FER: variants seen among roughly 807,000 people sequenced by gnomAD.
FER encodes FER tyrosine kinase, also known as tyrosine-protein kinase Fer.
Under a neutral mutation model 111.0 loss-of-function variants are expected in FER, and 63 were observed. That is an observed-to-expected ratio of 0.57 (90% CI 0.46 to 0.70). The LOEUF (loss-of-function observed/expected upper bound fraction) is 0.70. Among genes scored for constraint, FER ranks in the 30% least tolerant of loss-of-function variants. The pLI, the probability that FER is intolerant of heterozygous loss-of-function variation, is 0.00. For missense variants in FER, 914 were observed against 954.0 expected, an observed-to-expected ratio of 0.96 and a Z score of 0.55; for synonymous variants, 327 against 313.9, an observed-to-expected ratio of 1.04 and a Z score of -0.44.
chr5:108,981,694 C>T (rs906879204), intron 13 of FER, among the ~76,000 whole-genome samples: 11 of 151,958 alleles, frequency 7.2e-5, no homozygotes, highest in South Asian at 2.1e-4. Flanking sequence ...AAAAATCTTA[C>T]GAGGTGGATA....
At position 108,959,490 on chromosome 5, in the gene FER, C is replaced by G. The variant is rs1561680198; in HGVS notation, c.1656+143C>G. 22 of 670,178 alleles carry G rather than the reference C, an allele frequency of 3.3e-5. No homozygotes were observed. The South Asian group carries it at 4.8e-4, about 15-fold the overall frequency. 41.5% of individuals were successfully genotyped at this position (670,178 alleles called of 1,614,324 possible). ...GTTTTTGTTTTTCTAGCTTTTATTA[C>G]TAATGCAATTGAAACATGAAACTTC... On this transcript the variant is annotated intron_variant, in intron 13 of 19. Coordinates refer to ENST00000281092, the MANE Select transcript of FER (RefSeq NM_005246.4).
chr5:109,148,803 G>A (rs150334372), intron 17 of FER, among the ~76,000 whole-genome samples: 15 of 152,232 alleles, frequency 9.9e-5, no homozygotes, highest in African/African-American at 3.4e-4. Flanking sequence ...CCAGCAAGTG[G>A]CTAGCGATAG....
intron 16 of FER, among the ~76,000 whole-genome samples, chr5:109,053,607 T>TC (rs1217080664): frequency 1.3e-5 from 2 of 152,006 alleles, no homozygotes; most frequent in East Asian, 1.9e-4. Context: ...CACTTTTTTT[T>TC]CCACTAAGTA....
chr5:108,925,335 A>G (rs1450403452), intron 10 of FER, among the ~76,000 whole-genome samples: 1 of 152,012 alleles, frequency 6.6e-6, no homozygotes, highest in Non-Finnish European at 1.5e-5. Flanking sequence ...ATAACTGGTA[A>G]AGCTTTTCAT....
At chr5:109,068,243 GCA>G (rs1355717798) in intron 16 of FER, among the ~76,000 whole-genome samples, 23 of 144,700 alleles carry the variant, frequency 1.6e-4, no homozygotes, top group Non-Finnish European at 3.6e-4. Context: ...GAGTGTAGCG[GCA>G]CAGAGTCCGC....
rs1045958356 is a variant in FER at position 108,954,942 on chromosome 5, C to A, written c.1533+10C>A. The A allele has an allele frequency of 1.3e-6, 2 of 1,593,638 alleles. No homozygotes were observed. The highest frequency in any genetic ancestry group is 2.7e-5 in the African/African-American group (2 of 74,258). ...CATACAATATGTTGATGTACGTTTC[C>A]AGTTTAGTTCATATGTATATTTTGA... On this transcript the variant is annotated intron_variant, in intron 12 of 19. Coordinates refer to ENST00000281092, the MANE Select transcript of FER (RefSeq NM_005246.4).
At chr5:109,085,331 G>A (rs191570150) in intron 16 of FER, among the ~76,000 whole-genome samples, 35 of 151,722 alleles carry the variant, frequency 2.3e-4, no homozygotes, top group Admixed American at 2.2e-3. Flanking sequence ...TGGTTATAAA[G>A]GATGTTTTTC....
At chr5:109,000,718 G>A (rs978881962) in intron 13 of FER, among the ~76,000 whole-genome samples, 16 of 151,908 alleles carry the variant, frequency 1.1e-4, no homozygotes, top group Non-Finnish European at 1.6e-4. Flanking sequence ...TCCAGGAGCC[G>A]GTTTTTTTAA....
At chr5:109,094,283 A>G (rs1344505215) in intron 16 of FER, among the ~76,000 whole-genome samples, 2 of 152,112 alleles carry the variant, frequency 1.3e-5, no homozygotes, top group South Asian at 2.1e-4. Flanking sequence ...AATCATAAGC[A>G]TTATTTCAGT....
intron 8 of FER, among the ~76,000 whole-genome samples, chr5:108,877,200 C>G (rs1765173691): frequency 6.6e-6 from 1 of 152,004 alleles, no homozygotes; most frequent in Admixed American, 6.6e-5. Context: ...TTTGGCTGTT[C>G]TTGTTTACAG....
At chr5:109,187,344 C>T (rs766953304) in intron 19 of FER, 89 bp from the exon 20 acceptor site, 74 of 1,386,540 alleles carry the variant, frequency 5.3e-5, no homozygotes, top group African/African-American at 8.7e-5. Flanking sequence ...CATAAGGTAC[C>T]AAAAGTTAAT....
intron 17 of FER, among the ~76,000 whole-genome samples, chr5:109,105,054 T>C (rs972778679): frequency 2.0e-5 from 3 of 152,138 alleles, no homozygotes; most frequent in African/African-American, 7.2e-5. Context: ...AGACTAATAT[T>C]ATTCTTAAGC....
At chr5:108,791,957 G>A (rs1755428841) in intron 2 of FER, among the ~76,000 whole-genome samples, 1 of 152,164 alleles carries the variant, frequency 6.6e-6, no homozygotes, top group South Asian at 2.1e-4. Context: ...CCAATGGAAT[G>A]GACTTGGCAC....
At chr5:108,851,397 G>A (rs1018674381) in intron 5 of FER, among the ~76,000 whole-genome samples, 21 of 152,170 alleles carry the variant, frequency 1.4e-4, no homozygotes, top group African/African-American at 4.1e-4. Context: ...AAGACCTGCC[G>A]CCATGATTCA....
At position 109,037,483 on chromosome 5, in the gene FER, G is replaced by T. The variant is rs775715420; in HGVS notation, c.1713+5G>T. On this transcript the variant is annotated splice_donor_5th_base_variant and intron_variant, in intron 14 of 19. Transcript: ENST00000281092. ...TTGGGAGAATTACTGGGCAAGGTAT[G>T]TAATCAACTGAGCTAAATAACCAGA... 1.5e-5 allele frequency: 24 copies of T among 1,609,838 alleles called. No homozygotes were observed. The South Asian group carries it at 2.6e-4, about 18-fold the overall frequency.
intron 10 of FER, among the ~76,000 whole-genome samples, chr5:108,909,365 C>T (rs1052364960): frequency 2.0e-5 from 3 of 152,002 alleles, no homozygotes; most frequent in South Asian, 2.1e-4. Flanking sequence ...CGGTTTACTT[C>T]GCAAATCACA....
At chr5:109,017,586 A>G (rs1231864739) in intron 13 of FER, among the ~76,000 whole-genome samples, 2 of 152,024 alleles carry the variant, frequency 1.3e-5, no homozygotes, top group Non-Finnish European at 2.9e-5. Context: ...ACTTATTTGC[A>G]TATCATAAAT....
chr5:108,822,669 A>G (rs1018327777), intron 3 of FER, among the ~76,000 whole-genome samples: 2 of 151,834 alleles, frequency 1.3e-5, no homozygotes, highest in Non-Finnish European at 2.9e-5. Context: ...ATTAGGCCCT[A>G]CCTACCAATA....
chr5:108,823,357 G>A (rs1242809783), intron 3 of FER, among the ~76,000 whole-genome samples: 2 of 152,150 alleles, frequency 1.3e-5, no homozygotes, highest in Admixed American at 6.5e-5. Flanking sequence ...GAGGAACCTC[G>A]ATATGTTTTA....
Sources: gnomAD v4.1 joint callset for allele counts (sites outside exome capture counted in the v4.1 genomes callset) on GRCh38, gnomAD v4.1.1 for gene constraint, MANE v1.5 for transcripts, NCBI Gene and HGNC (gene_info 2026-07-23, HGNC 2026-07-21) for gene names.